DCC: variants seen among roughly 807,000 people sequenced by gnomAD.
DCC encodes the protein DCC netrin 1 receptor.
In DCC, 58 loss-of-function variants were observed where a neutral mutation model predicts 172.5. That is an observed-to-expected ratio of 0.34 (90% CI 0.27 to 0.42). DCC has a LOEUF of 0.42. Ranked by LOEUF, DCC falls within the 10% of genes least tolerant of loss-of-function variation. The pLI, the probability that DCC is intolerant of heterozygous loss-of-function variation, is 1.00. For synonymous variants in DCC, 709 were observed against 644.5 expected (o/e 1.10, Z -1.52); for missense variants, 1,740 against 1,791.0 (o/e 0.97, Z 0.51).
chr18:52,576,948 T>A (rs775325471), intron 1 of DCC, among the ~76,000 whole-genome samples: 10 of 152,228 alleles, frequency 6.6e-5, no homozygotes, highest in Non-Finnish European at 1.2e-4. Context: ...ACATTTCATG[T>A]GCAGTTTTAT....
intron 1 of DCC, among the ~76,000 whole-genome samples, chr18:52,557,049 G>A (rs1450842632): frequency 6.6e-6 from 1 of 152,148 alleles, no homozygotes; most frequent in Non-Finnish European, 1.5e-5. Flanking sequence ...GTTACAATCA[G>A]CTCAAACTTT....
intron 7 of DCC, 96 bp downstream of exon 7, chr18:53,066,262 A>G (rs2144090057): frequency 8.8e-7 from 1 of 1,136,998 alleles, no homozygotes; most frequent in South Asian, 1.3e-5. Flanking sequence ...CTCAAGGGCA[A>G]TATGGCAATA....
chr18:52,487,408 A>G (rs1416729039), intron 1 of DCC, among the ~76,000 whole-genome samples: 6 of 152,170 alleles, frequency 3.9e-5, no homozygotes, highest in Admixed American at 1.3e-4. Flanking sequence ...CACATCTATA[A>G]AATCGAGAAA....
intron 1 of DCC, among the ~76,000 whole-genome samples, chr18:52,706,971 G>T (rs1456535992): frequency 1.3e-5 from 2 of 152,212 alleles, no homozygotes; most frequent in Non-Finnish European, 2.9e-5. Context: ...TTAACCAGGA[G>T]AGAAATGATG....
chr18:52,465,163 C>T (rs1384118236), intron 1 of DCC, among the ~76,000 whole-genome samples: 1 of 152,052 alleles, frequency 6.6e-6, no homozygotes, highest in Non-Finnish European at 1.5e-5. Context: ...CTCTTCTAAG[C>T]TTTTAATAAC....
intron 7 of DCC, among the ~76,000 whole-genome samples, chr18:53,142,696 T>C (rs997426498): frequency 6.6e-6 from 1 of 152,222 alleles, no homozygotes; most frequent in African/African-American, 2.4e-5. Flanking sequence ...TTTCCACTGC[T>C]AACGTCTCAC....
Position 53,450,680 on chromosome 18 carries a change from C to G in DCC, c.3392+18C>G, listed in dbSNP as rs1258975237. 1 of 1,600,750 alleles carries G rather than the reference C, an allele frequency of 6.2e-7. No individual in the cohort carries two copies. Among genetic ancestry groups the G allele is most frequent in the Non-Finnish European group, 8.6e-7 (1 of 1,168,174 alleles). On this transcript the variant is annotated intron_variant, in intron 23 of 28. Transcript: ENST00000442544. ...CAGAGAAAGTAGGTAACAGCTGGTT[C>G]CCAAGAGGAAAGAAGTCATTGTCTT...
chr18:53,344,866 C>G (rs1333174885), intron 15 of DCC, among the ~76,000 whole-genome samples: 1 of 139,840 alleles, frequency 7.2e-6, no homozygotes, highest in Non-Finnish European at 1.5e-5. Flanking sequence ...GCCTGGGTGA[C>G]AGAGCAAGAC....
chr18:53,339,952 A>G, intron 15 of DCC, 45 bp downstream of exon 15: 2 of 1,531,432 alleles, frequency 1.3e-6, no homozygotes, highest in Non-Finnish European at 1.8e-6. Context: ...GGAATTAATG[A>G]TTTATTTTGA....
chr18:52,478,557 A>G (rs896863924), intron 1 of DCC, among the ~76,000 whole-genome samples: 2 of 152,204 alleles, frequency 1.3e-5, no homozygotes, highest in African/African-American at 4.8e-5. Flanking sequence ...TTATAAAGAA[A>G]AAAGGCTTTA....
chr18:52,975,099 A>T (rs187337544), intron 5 of DCC, among the ~76,000 whole-genome samples: 12 of 152,294 alleles, frequency 7.9e-5, no homozygotes, highest in African/African-American at 2.9e-4. Context: ...AAAAAAGTCC[A>T]CTTCATATTA....
intron 1 of DCC, among the ~76,000 whole-genome samples, chr18:52,397,775 G>C (rs1238382148): frequency 4.6e-5 from 7 of 151,916 alleles, no homozygotes; most frequent in Non-Finnish European, 8.8e-5. Flanking sequence ...CTCTACCTTT[G>C]AGTTTGTATA....
chr18:52,350,113 G>A (rs139096696), intron 1 of DCC, among the ~76,000 whole-genome samples: 56 of 152,284 alleles, frequency 3.7e-4, no homozygotes, highest in African/African-American at 1.3e-3. Flanking sequence ...TTTCATTGAA[G>A]ATAGTACAAT....
intron 15 of DCC, among the ~76,000 whole-genome samples, chr18:53,365,678 T>C (rs991603428): frequency 6.6e-6 from 1 of 152,176 alleles, no homozygotes. Flanking sequence ...CTCCAATTTC[T>C]AGTCATAAGC....
chr18:53,463,613 A>C lies in DCC; in HGVS notation c.3619+4155A>C, dbSNP rs144872637. ...ACATTATTTTGCCTAATCTTCACAA[A>C]ATACTTTGAGGTAGATGCTATCATT... On this transcript the variant is annotated intron_variant, in intron 24 of 28. Transcript: ENST00000442544. Among the ~76,000 whole-genome samples the C allele has an allele frequency of 1.5e-3, 235 of 152,270 alleles. 2 individuals carry two copies. The highest frequency in any genetic ancestry group is 5.5e-3 in the African/African-American group (230 of 41,560).
chr18:52,775,070 G>A (rs1228766642), intron 2 of DCC, among the ~76,000 whole-genome samples: 1 of 152,202 alleles, frequency 6.6e-6, no homozygotes, highest in African/African-American at 2.4e-5. Flanking sequence ...AGGTGGCAGG[G>A]TTTTGGAGGA....
At chr18:52,905,069 C>T (rs189674937) in intron 2 of DCC, among the ~76,000 whole-genome samples, 13 of 152,164 alleles carry the variant, frequency 8.5e-5, no homozygotes, top group African/African-American at 3.1e-4. Flanking sequence ...TCATGTACAA[C>T]GTCATGGCAG....
chr18:52,627,548 T>G (rs2034597095), intron 1 of DCC, among the ~76,000 whole-genome samples: 1 of 152,242 alleles, frequency 6.6e-6, no homozygotes, highest in South Asian at 2.1e-4. Context: ...TAAAATTATT[T>G]TGTTTTATAA....
intron 1 of DCC, among the ~76,000 whole-genome samples, chr18:52,470,809 A>T (rs1308762852): frequency 6.6e-6 from 1 of 152,168 alleles, no homozygotes; most frequent in Non-Finnish European, 1.5e-5. Flanking sequence ...TAACGCACTT[A>T]TTGTCTCTAG....
Sources: allele counts gnomAD v4.1 joint callset (sites outside exome capture counted in the v4.1 genomes callset), GRCh38; gene constraint gnomAD v4.1.1; transcripts MANE v1.5; gene names NCBI Gene and HGNC (gene_info 2026-07-23, HGNC 2026-07-21).